Variants in DTNB observed in about 807,000 individuals in gnomAD.
The protein encoded by DTNB is dystrobrevin beta.
A neutral mutation model predicts 90.7 loss-of-function variants in DTNB; 63 were observed. The ratio of observed to expected loss-of-function variants is 0.69; its 90% CI spans 0.57 to 0.86. The LOEUF is 0.86. DTNB is among the 40% of genes least tolerant of loss of function. The pLI is 0.00. For missense variants in DTNB, 744 were observed against 807.1 expected, an observed-to-expected ratio of 0.92 and a Z score of 0.95; for synonymous variants, 277 against 286.7, an observed-to-expected ratio of 0.97 and a Z score of 0.34.
chr2:25,594,012 T>C (rs554379086), intron 6 of DTNB, among the ~76,000 whole-genome samples: 5 of 152,276 alleles, frequency 3.3e-5, no homozygotes, highest in Admixed American at 6.5e-5. Flanking sequence ...GAGTATTGTG[T>C]GGGCCACCAT....
At chr2:25,612,912 T>C (rs905055925) in intron 4 of DTNB, among the ~76,000 whole-genome samples, 1 of 152,136 alleles carries the variant, frequency 6.6e-6, no homozygotes, top group African/African-American at 2.4e-5. Context: ...CCATTACAAA[T>C]TGAATCTACA....
At chr2:25,398,947 T>C (rs1347161374) in intron 16 of DTNB, among the ~76,000 whole-genome samples, 1 of 152,218 alleles carries the variant, frequency 6.6e-6, no homozygotes, top group African/African-American at 2.4e-5. Flanking sequence ...ATGAAGTGCA[T>C]CACATTTTTG....
At chr2:25,595,949 T>A in intron 6 of DTNB, 137 bp downstream of exon 6, 2 of 643,694 alleles carry the variant, frequency 3.1e-6, no homozygotes, top group South Asian at 7.3e-5. Flanking sequence ...ATTCATCCAC[T>A]CCCCACCACC....
intron 12 of DTNB, among the ~76,000 whole-genome samples, chr2:25,451,236 T>C (rs1383335730): frequency 1.3e-5 from 2 of 152,188 alleles, no homozygotes; most frequent in African/African-American, 4.8e-5. Flanking sequence ...TTTCTTCTTG[T>C]CTTGTTGCAT....
At chr2:25,528,561 C>T (rs2077579865) in intron 9 of DTNB, among the ~76,000 whole-genome samples, 1 of 152,096 alleles carries the variant, frequency 6.6e-6, no homozygotes, top group African/African-American at 2.4e-5. Flanking sequence ...CCAGAATTAA[C>T]GAACAATTTA....
At chr2:25,492,054 A>G (rs2067636582) in intron 9 of DTNB, among the ~76,000 whole-genome samples, 1 of 152,116 alleles carries the variant, frequency 6.6e-6, no homozygotes, top group South Asian at 2.1e-4. Context: ...TCACGGCTGC[A>G]CTTTCAGGAA....
At chr2:25,395,467 TA>T (rs1351776495) in intron 16 of DTNB, among the ~76,000 whole-genome samples, 1 of 151,142 alleles carries the variant, frequency 6.6e-6, no homozygotes, top group Non-Finnish European at 1.5e-5. Context: ...TGTAAATACA[TA>T]AATACACATA....
chr2:25,390,895 CTTT>C (rs34194776), intron 16 of DTNB, among the ~76,000 whole-genome samples: 3 of 135,858 alleles, frequency 2.2e-5, no homozygotes, highest in Admixed American at 7.4e-5. Flanking sequence ...TAGGTAATGA[CTTT>C]TTTTTTTTTT....
At chr2:25,434,103 T>C (rs1049125750) in intron 12 of DTNB, 108 bp from the exon 13 acceptor site, 11 of 1,007,730 alleles carry the variant, frequency 1.1e-5, no homozygotes, top group Admixed American at 2.6e-5. Context: ...AATTTACATA[T>C]CATAAATCCA....
At chr2:25,392,676 C>A (rs946513675) in intron 16 of DTNB, among the ~76,000 whole-genome samples, 1 of 152,106 alleles carries the variant, frequency 6.6e-6, no homozygotes, top group African/African-American at 2.4e-5. Context: ...AATATACAAT[C>A]CTCCTAGATT....
chr2:25,432,775 A>C, intron 14 of DTNB, 111 bp downstream of exon 14: 1 of 1,142,804 alleles, frequency 8.8e-7, no homozygotes, highest in South Asian at 1.3e-5. Flanking sequence ...GTCTGCGCTC[A>C]CAGGATTGTT....
At chr2:25,663,422 T>C (rs1158105104) in intron 1 of DTNB, among the ~76,000 whole-genome samples, 2 of 152,248 alleles carry the variant, frequency 1.3e-5, no homozygotes, top group Non-Finnish European at 2.9e-5. Context: ...TTTGGGTATA[T>C]ACCCAGTAAT....
chr2:25,623,877 G>C (rs939915234), intron 4 of DTNB, among the ~76,000 whole-genome samples: 2 of 152,070 alleles, frequency 1.3e-5, no homozygotes, highest in African/African-American at 4.8e-5. Flanking sequence ...AAAATTCAAA[G>C]GCCCCCTGCA....
intron 12 of DTNB, among the ~76,000 whole-genome samples, chr2:25,444,493 C>T (rs966289615): frequency 6.7e-6 from 1 of 149,702 alleles, no homozygotes; most frequent in Non-Finnish European, 1.5e-5. Flanking sequence ...CGAGATTGGG[C>T]CACTGCACTC....
At chr2:25,584,772 G>C (rs1260717426) in intron 6 of DTNB, among the ~76,000 whole-genome samples, 1 of 151,952 alleles carries the variant, frequency 6.6e-6, no homozygotes, top group African/African-American at 2.4e-5. Flanking sequence ...GGCCAGGCTG[G>C]TGTTGAACTC....
intron 2 of DTNB, among the ~76,000 whole-genome samples, chr2:25,644,159 C>T (rs1196135768): frequency 1.3e-5 from 2 of 152,230 alleles, no homozygotes; most frequent in South Asian, 2.1e-4. Flanking sequence ...TGTGGCTACT[C>T]TGTCTATGGA....
intron 4 of DTNB, among the ~76,000 whole-genome samples, chr2:25,617,241 G>A (rs1342407347): frequency 1.3e-5 from 2 of 152,206 alleles, no homozygotes; most frequent in African/African-American, 2.4e-5. Context: ...TAAACAGACT[G>A]TATAAGCACA....
chr2:25,411,058 A>C lies in DTNB; in HGVS notation c.1575+8457T>G, dbSNP rs114674117. On this transcript the variant is annotated intron_variant, in intron 16 of 20. Transcript: ENST00000406818. ...TTTGGGCTCAAATAGACTTATACTT[A>C]ACCATAAAGAAAAACCATAGCTGGG... Among the ~76,000 whole-genome samples the C allele has an allele frequency of 6.0e-3, 908 of 152,014 alleles. 4 individuals carry two copies. Among genetic ancestry groups the C allele is most frequent in the Admixed American group, 9.0e-3 (138 of 15,284 alleles).
intron 10 of DTNB, among the ~76,000 whole-genome samples, chr2:25,456,987 C>T (rs759066647): frequency 2.6e-5 from 4 of 151,998 alleles, no homozygotes; most frequent in Non-Finnish European, 5.9e-5. Context: ...CTTTCTAGCA[C>T]AATAAAATGC....
Sources: allele counts gnomAD v4.1 joint callset (sites outside exome capture counted in the v4.1 genomes callset), GRCh38; gene constraint gnomAD v4.1.1; transcripts MANE v1.5; gene names NCBI Gene and HGNC (gene_info 2026-07-23, HGNC 2026-07-21).